CPA3: variants seen among roughly 807,000 people sequenced by gnomAD.
CPA3 encodes carboxypeptidase A3.
A neutral mutation model predicts 55.8 loss-of-function variants in CPA3; 52 were observed. That is an observed-to-expected ratio of 0.93 (90% confidence interval 0.75 to 1.17). CPA3 has a LOEUF of 1.17. CPA3 is among the 50% of genes most tolerant of loss of function. CPA3 has a pLI of 0.00. For missense variants in CPA3, 547 were observed against 509.1 expected (o/e 1.07, Z -0.72); for synonymous variants, 179 against 171.2 (o/e 1.05, Z -0.36).
At chr3:148,882,449 A>G (rs1714397320) in intron 7 of CPA3, 56 bp from the exon 8 acceptor site, 5 of 1,468,248 alleles carry the variant, frequency 3.4e-6, no homozygotes, top group Non-Finnish European at 3.8e-6. Flanking sequence ...TGAAATGATC[A>G]AATTGAAAAA....
intron 2 of CPA3, among the ~76,000 whole-genome samples, chr3:148,866,036 C>T (rs1334855259): frequency 6.6e-6 from 1 of 152,162 alleles, no homozygotes; most frequent in Non-Finnish European, 1.5e-5. Context: ...ATCCAACAGC[C>T]TAATATAATT....
At chr3:148,883,154 T>C (rs1226697892) in intron 8 of CPA3, among the ~76,000 whole-genome samples, 1 of 152,212 alleles carries the variant, frequency 6.6e-6, no homozygotes, top group Non-Finnish European at 1.5e-5. Context: ...GTTGAAAACA[T>C]CACCTGAGCT....
chr3:148,896,473 C>G (rs930162778), intron 10 of CPA3, 47 bp from the exon 11 acceptor site: 1 of 1,424,566 alleles, frequency 7.0e-7, no homozygotes. Flanking sequence ...TTTAAAAAAA[C>G]ATTAGCATTT....
rs74682570 is a variant in CPA3 at position 148,867,299 on chromosome 3, C to T, written c.145-1616C>T. 2.8e-3 allele frequency among the ~76,000 whole-genome samples: 434 copies of T among 152,340 alleles called. 5 individuals carry two copies. The highest frequency in any genetic ancestry group is 9.9e-3 in the African/African-American group (412 of 41,576). On this transcript the variant is annotated intron_variant, in intron 2 of 10. Transcript: ENST00000296046. Reference sequence around the variant, plus strand: ...AACTCAGGCAGTGTCTCCTGCAGGACGTCTCTTCTGTTCATCAACTCTCGT... The same window carrying T: ...AACTCAGGCAGTGTCTCCTGCAGGATGTCTCTTCTGTTCATCAACTCTCGT...
Position 148,865,529 on chromosome 3 carries a change from A to G in CPA3, c.125A>G (p.Asp42Gly). The G allele has an allele frequency of 6.2e-7, 1 of 1,613,982 alleles. No individual in the cohort carries two copies. Among genetic ancestry groups the G allele is most frequent in the Non-Finnish European group, 8.5e-7 (1 of 1,179,960 alleles). Residue 42 changes from aspartate to glycine, a missense_variant, in exon 2 of 11, where the codon GAC (aspartate) becomes GGC (glycine). Coordinates refer to ENST00000296046, the MANE Select transcript of CPA3 (RefSeq NM_001870.4). ...GAAAAACAAGCAGACATCATAAAGG[A>G]CTTGGCCAAAACCAATGAGGTAAGC... The part of the protein sequence containing the change: ...QDEKQADIIK[D>G]LAKTNELDFW...
intron 3 of CPA3, among the ~76,000 whole-genome samples, chr3:148,871,690 G>A (rs1407395759): frequency 1.3e-5 from 2 of 152,078 alleles, no homozygotes; most frequent in East Asian, 3.9e-4. Flanking sequence ...GTACCAAAGT[G>A]TTAAATTACC....
intron 10 of CPA3, among the ~76,000 whole-genome samples, chr3:148,892,257 C>A (rs1714691802): frequency 6.6e-6 from 1 of 152,184 alleles, no homozygotes; most frequent in African/African-American, 2.4e-5. Context: ...CCTCTATCCC[C>A]ACAGGCTGGA....
chr3:148,887,121 T>C (rs568227902), intron 10 of CPA3, among the ~76,000 whole-genome samples: 1 of 152,362 alleles, frequency 6.6e-6, no homozygotes, highest in East Asian at 1.9e-4. Context: ...TCAGTAATTT[T>C]TTTTTCTGTA....
At chr3:148,894,445 A>T (rs1417317220) in intron 10 of CPA3, among the ~76,000 whole-genome samples, 1 of 126,996 alleles carries the variant, frequency 7.9e-6, no homozygotes, top group African/African-American at 3.0e-5. Flanking sequence ...AAAAAAAGAT[A>T]AAGGGATAAA....
At position 148,878,429 on chromosome 3, in the gene CPA3, C is replaced by T; in HGVS notation, c.270-12C>T. The T allele has an allele frequency of 6.5e-7, 1 of 1,531,794 alleles. No homozygotes were observed. The highest frequency in any genetic ancestry group is 9.0e-7 in the Non-Finnish European group (1 of 1,105,318). The allele number at this position is 1,531,794 out of a possible 1,614,324, so 94.9% of individuals were successfully genotyped here. A position where few individuals can be genotyped will look rare whatever the true frequency, so the allele number is the denominator to read the frequency against. On this transcript the variant is annotated splice_polypyrimidine_tract_variant and intron_variant, in intron 3 of 10. Coordinates refer to ENST00000296046, the MANE Select transcript of CPA3 (RefSeq NM_001870.4). ...GATAAAACATGTATTTTATCATTCC[C>T]CTGTCAAACAGAATCTTGATTCATG...
intron 9 of CPA3, among the ~76,000 whole-genome samples, chr3:148,884,328 T>C (rs1033055885): frequency 5.9e-5 from 9 of 152,180 alleles, no homozygotes; most frequent in African/African-American, 2.2e-4. Context: ...AAAACTATGA[T>C]CCATTAAGCA....
intron 3 of CPA3, among the ~76,000 whole-genome samples, chr3:148,875,882 GA>G (rs1714187922): frequency 6.6e-6 from 1 of 152,014 alleles, no homozygotes; most frequent in African/African-American, 2.4e-5. Flanking sequence ...TCTTAACAGT[GA>G]AAGATAAGTT....
At chr3:148,868,788 A>T in intron 2 of CPA3, 127 bp from the exon 3 acceptor site, 1 of 951,274 alleles carries the variant, frequency 1.1e-6, no homozygotes, top group Non-Finnish European at 1.5e-6. Flanking sequence ...TATTAAAAGA[A>T]GGGTCTGTAT....
chr3:148,881,745 G>A, intron 7 of CPA3, 113 bp downstream of exon 7: 2 of 485,630 alleles, frequency 4.1e-6, no homozygotes, highest in Middle Eastern at 5.6e-4. Context: ...ATTCAGAAAA[G>A]TATATTTTTT....
chr3:148,868,194 C>T (rs3772584), intron 2 of CPA3, among the ~76,000 whole-genome samples: 3 of 151,898 alleles, frequency 2.0e-5, no homozygotes, highest in Non-Finnish European at 4.4e-5. Context: ...CACCCAGCCT[C>T]GAAATTATTT....
chr3:148,876,582 G>T (rs1045145830), intron 3 of CPA3, among the ~76,000 whole-genome samples: 1 of 152,050 alleles, frequency 6.6e-6, no homozygotes, highest in Non-Finnish European at 1.5e-5. Flanking sequence ...TCACCATGTT[G>T]CCCAGGCTGG....
intron 6 of CPA3, 98 bp downstream of exon 6, chr3:148,879,987 C>A: frequency 2.6e-6 from 2 of 773,956 alleles, no homozygotes; most frequent in Non-Finnish European, 2.2e-6. Flanking sequence ...TTCCACTTAG[C>A]TAGAAGAGCC....
At position 148,874,174 on chromosome 3, in the gene CPA3, T is replaced by C. The variant is rs1180598094; in HGVS notation, c.270-4267T>C. Among the ~76,000 whole-genome samples the C allele has an allele frequency of 2.6e-5, 4 of 152,180 alleles. 1 individual carries two copies. The South Asian group carries it at 6.2e-4, about 24-fold the overall frequency. Reference sequence around the variant, plus strand: ...TGCAGCTACATCATTTGTGGAAAGGTTGTACTTCAACTCACACTGTTTTTT... The same window carrying C: ...TGCAGCTACATCATTTGTGGAAAGGCTGTACTTCAACTCACACTGTTTTTT... On this transcript the variant is annotated intron_variant, in intron 3 of 10. Coordinates refer to ENST00000296046, the MANE Select transcript of CPA3 (RefSeq NM_001870.4).
rs192163063 is a variant in CPA3, at chr3:148,876,401, A to G, written c.270-2040A>G. ...AAGACATTTTTTTTTTTTTTGAGAC[A>G]GAGTCTCCTCTGTCACCCAGGCTGG... is the stretch of plus-strand genomic sequence containing the variant. On this transcript the variant is annotated intron_variant, in intron 3 of 10. Transcript: ENST00000296046. Among the ~76,000 whole-genome samples, 155 of 150,074 alleles carry G rather than the reference A, an allele frequency of 1.0e-3. 1 individual carries two copies. Among genetic ancestry groups the G allele is most frequent in the African/African-American group, 3.1e-3 (127 of 40,712 alleles).
Sources: gnomAD v4.1 joint callset for allele counts (sites outside exome capture counted in the v4.1 genomes callset) on GRCh38, gnomAD v4.1.1 for gene constraint, MANE v1.5 for transcripts, NCBI Gene and HGNC (gene_info 2026-07-23, HGNC 2026-07-21) for gene names.